Variants in LRRC63 observed in about 807,000 individuals in gnomAD.
LRRC63 encodes leucine-rich repeat-containing protein 63.
A neutral mutation model predicts 49.5 loss-of-function variants in LRRC63; 40 were observed. The ratio of observed to expected loss-of-function variants is 0.81; its 90% confidence interval spans 0.63 to 1.05. The LOEUF (loss-of-function observed/expected upper bound fraction) is 1.05, where lower values mean the gene tolerates loss of function less well. LRRC63 is among the 50% of genes least tolerant of loss of function. The pLI, the probability that LRRC63 is intolerant of heterozygous loss-of-function variation, is 0.00. For missense variants in LRRC63, 636 were observed against 663.1 expected (o/e 0.96, Z 0.45); for synonymous variants, 191 against 221.1 (o/e 0.86, Z 1.21).
At chr13:46,247,929 A>G (rs185093356) in intron 6 of LRRC63, among the ~76,000 whole-genome samples, 4 of 152,210 alleles carry the variant, frequency 2.6e-5, no homozygotes, top group Admixed American at 2.6e-4. Flanking sequence ...AATAAGTATA[A>G]TAATGTATTG....
At chr13:46,234,893 G>A (rs926611692) in intron 5 of LRRC63, among the ~76,000 whole-genome samples, 4 of 152,036 alleles carry the variant, frequency 2.6e-5, no homozygotes, top group East Asian at 3.9e-4. Context: ...GAACTTTCTG[G>A]CCTCAAAATC....
intron 7 of LRRC63, among the ~76,000 whole-genome samples, chr13:46,261,127 A>G (rs1464534075): frequency 6.6e-6 from 1 of 152,102 alleles, no homozygotes; most frequent in Non-Finnish European, 1.5e-5. Context: ...GTTTTTGCAG[A>G]GTGTTTGTAT....
chr13:46,227,615 A>G (rs1340638000), exon 3 of LRRC63: 36 of 1,549,798 alleles, frequency 2.3e-5, no homozygotes, highest in Middle Eastern at 1.7e-4. Context: ...TAAGAAATCA[A>G]TCACTAACAC....
At chr13:46,228,840 A>AAC (rs138706279) in intron 4 of LRRC63, 107 bp downstream of exon 4, 1 of 718,436 alleles carries the variant, frequency 1.4e-6, no homozygotes, top group Non-Finnish European at 2.4e-6. Context: ...ACACATGCAT[A>AAC]ACACACATAT....
chr13:46,213,259 C>G (rs918367330), intron 2 of LRRC63, 140 bp downstream of exon 2: 1 of 603,112 alleles, frequency 1.7e-6, no homozygotes, highest in Non-Finnish European at 2.9e-6. Flanking sequence ...ACATCCAATT[C>G]AATTCCACAG....
intron 9 of LRRC63, among the ~76,000 whole-genome samples, chr13:46,269,679 A>C (rs1382800670): frequency 6.6e-6 from 1 of 151,756 alleles, no homozygotes; most frequent in Non-Finnish European, 1.5e-5. Flanking sequence ...AAAGTTTTAT[A>C]AATTTGACAA....
intron 2 of LRRC63, among the ~76,000 whole-genome samples, chr13:46,214,477 T>A (rs1346122394): frequency 6.6e-6 from 1 of 152,204 alleles, no homozygotes; most frequent in Non-Finnish European, 1.5e-5. Context: ...ATTCATCTTT[T>A]GTTTAAAGTT....
At chr13:46,269,817 C>T (rs368293646) in intron 9 of LRRC63, among the ~76,000 whole-genome samples, 2 of 146,648 alleles carry the variant, frequency 1.4e-5, no homozygotes, top group African/African-American at 5.0e-5. Context: ...ATATAGTAGT[C>T]GCTATAGATA....
chr13:46,212,941 C>G, intron 1 of LRRC63, 61 bp from the exon 2 acceptor site: 1 of 810,256 alleles, frequency 1.2e-6, no homozygotes, highest in Non-Finnish European at 2.0e-6. Flanking sequence ...AATCTAAATT[C>G]TTATTATTTT....
In LRRC63 at chr13:46,234,340, T is replaced by G. The variant is rs1481810860; in HGVS notation, c.981T>G (p.Leu327=). 15 of 1,549,764 alleles carry G rather than the reference T, an allele frequency of 9.7e-6. No individual in the cohort carries two copies. In the South Asian group the frequency reaches 1.4e-4, roughly 15 times the overall value. Residue 327 remains leucine (L), a synonymous_variant, in exon 5 of 10, where the codon CTT becomes CTG. Coordinates refer to ENST00000595396, the Ensembl canonical transcript of LRRC63. ...GTCAAGTATATGGGAGAAATGCACT[T>G]AATCTGAAGGTATGCTAGATCTTTT...
chr13:46,271,217 G>T (rs1594101881), intron 9 of LRRC63, among the ~76,000 whole-genome samples: 1 of 152,142 alleles, frequency 6.6e-6, no homozygotes, highest in Non-Finnish European at 1.5e-5. Flanking sequence ...GTAAACCAAG[G>T]GCTAACTGTA....
chr13:46,213,571 T>C (rs2046159132), intron 2 of LRRC63, among the ~76,000 whole-genome samples: 2 of 152,218 alleles, frequency 1.3e-5, no homozygotes, highest in South Asian at 4.1e-4. Flanking sequence ...GCCCCAAGCA[T>C]AGTGTTGAAG....
chr13:46,271,890 A>G (rs2047764485), intron 9 of LRRC63, among the ~76,000 whole-genome samples: 1 of 152,106 alleles, frequency 6.6e-6, no homozygotes, highest in African/African-American at 2.4e-5. Context: ...TATACAGAAA[A>G]AAGTTTATAA....
chr13:46,222,159 T>A (rs145635068), intron 2 of LRRC63, among the ~76,000 whole-genome samples: 74 of 152,344 alleles, frequency 4.9e-4, no homozygotes, highest in African/African-American at 1.6e-3. Flanking sequence ...TGTCTTCTTT[T>A]CAGAAATGTC....
At chr13:46,240,592 C>A (rs1246608141) in intron 5 of LRRC63, among the ~76,000 whole-genome samples, 1 of 152,184 alleles carries the variant, frequency 6.6e-6, no homozygotes, top group African/African-American at 2.4e-5. Context: ...CTCGTAGTCT[C>A]AGCCCAAAAG....
chr13:46,215,386 T>C (rs2046220315), intron 2 of LRRC63, among the ~76,000 whole-genome samples: 1 of 152,266 alleles, frequency 6.6e-6, no homozygotes, highest in Non-Finnish European at 1.5e-5. Flanking sequence ...TTTTTTCATA[T>C]GTTTGTTGGC....
In LRRC63 at chr13:46,244,719, A is replaced by G. The variant is rs570302624; in HGVS notation, c.991-1808A>G. ...CAGGAATTTGAGGTTTTAGTGAGCTATGATTGTGCCACTGGACTCCAGGCA... is the reference window on the plus strand; with the variant it reads ...CAGGAATTTGAGGTTTTAGTGAGCTGTGATTGTGCCACTGGACTCCAGGCA... On this transcript the variant is annotated intron_variant, in intron 5 of 9. Transcript: ENST00000595396. Among the ~76,000 whole-genome samples, 5 of 152,276 alleles carry G rather than the reference A, an allele frequency of 3.3e-5. No individual in the cohort carries two copies. In the South Asian group the frequency reaches 8.3e-4, roughly 25 times the overall value.
chr13:46,251,708 C>T (rs2047387516), intron 7 of LRRC63, among the ~76,000 whole-genome samples: 1 of 151,698 alleles, frequency 6.6e-6, no homozygotes, highest in South Asian at 2.1e-4. Flanking sequence ...AACACATATA[C>T]AATTACATAT....
chr13:46,232,667 G>A (rs138652280), intron 4 of LRRC63, among the ~76,000 whole-genome samples: 147 of 152,114 alleles, frequency 9.7e-4, no homozygotes, highest in African/African-American at 3.4e-3. Flanking sequence ...AAGAGAGAGG[G>A]CGTATTATCC....
Sources: allele counts gnomAD v4.1 joint callset (sites outside exome capture counted in the v4.1 genomes callset), GRCh38; gene constraint gnomAD v4.1.1; transcripts MANE v1.5; gene names NCBI Gene and HGNC (gene_info 2026-07-23, HGNC 2026-07-21).